The following TOPBP1 variants were observed in gnomAD, a reference collection of about 807,000 sequenced individuals.
The protein encoded by TOPBP1 is DNA topoisomerase 2-binding protein 1.
In TOPBP1, 28 loss-of-function variants were observed where a neutral mutation model predicts 167.7. The observed-to-expected ratio is 0.17, with a 90% CI of 0.12 to 0.23. TOPBP1 has a LOEUF of 0.23. TOPBP1 is among the 10% of genes least tolerant of loss of function. The pLI is 1.00. For synonymous variants in TOPBP1, 598 were observed against 611.4 expected (o/e 0.98, Z 0.32); for missense variants, 1,554 against 1,809.6 (o/e 0.86, Z 2.56).
chr3:133,640,918 G>C (rs1245613563), intron 12 of TOPBP1, among the ~76,000 whole-genome samples: 1 of 152,126 alleles, frequency 6.6e-6, no homozygotes, highest in Admixed American at 6.5e-5. Flanking sequence ...GAGAAATTAA[G>C]TGCCTCAAGA....
At chr3:133,650,286 A>C (rs184894150) in intron 8 of TOPBP1, among the ~76,000 whole-genome samples, 3 of 147,192 alleles carry the variant, frequency 2.0e-5, no homozygotes, top group Admixed American at 7.1e-5. Flanking sequence ...GCTTACTTGT[A>C]AATTTTAAAG....
intron 10 of TOPBP1, among the ~76,000 whole-genome samples, chr3:133,647,424 A>G (rs1936114894): frequency 6.6e-6 from 1 of 152,240 alleles, no homozygotes; most frequent in Non-Finnish European, 1.5e-5. Context: ...CTAGAGTCCT[A>G]GTAAGTACAA....
At chr3:133,634,115 A>C (rs1471141123) in intron 14 of TOPBP1, among the ~76,000 whole-genome samples, 1 of 152,268 alleles carries the variant, frequency 6.6e-6, no homozygotes, top group South Asian at 2.1e-4. Context: ...ATTTGAAAAG[A>C]ATCAAATTTT....
chr3:133,639,997 T>G lies in TOPBP1; in HGVS notation c.2195A>C (p.Asp732Ala). Residue 732 changes from aspartate (D) to alanine (A), a missense_variant, in exon 13 of 28, where the codon GAC (aspartate) becomes GCC (alanine). Asp to Ala is a moderately radical substitution (Grantham distance 126, BLOSUM62 -2). This residue lies in a region of TOPBP1 where 1,197 missense variants were observed against 1,351.5 expected (regional missense o/e 0.89). Coordinates refer to ENST00000260810, the MANE Select transcript of TOPBP1 (RefSeq NM_007027.4). ...ATTTTCAATCAGAAAATGGCTTTCG[T>G]CTGCTCTCTTTCCCGTTCTAGCAGT... Reference protein sequence around the residue: ...LETARTGKRADESHFLIENST... With the variant: ...LETARTGKRAAESHFLIENST... 1 of 1,613,888 alleles carries G rather than the reference T, an allele frequency of 6.2e-7. No homozygotes were observed. Among genetic ancestry groups the G allele is most frequent in the African/African-American group, 1.3e-5 (1 of 75,052 alleles).
chr3:133,631,858 G>T (rs1349850053), intron 14 of TOPBP1, among the ~76,000 whole-genome samples: 2 of 151,832 alleles, frequency 1.3e-5, no homozygotes, highest in Non-Finnish European at 2.9e-5. Flanking sequence ...GGCTGGTCTT[G>T]AACTCCTGAC....
chr3:133,612,072 A>G (rs1235535577), intron 24 of TOPBP1, among the ~76,000 whole-genome samples: 1 of 146,396 alleles, frequency 6.8e-6, no homozygotes, highest in Non-Finnish European at 1.5e-5. Context: ...ATAGGGTCTC[A>G]CTCTTGTGGC....
At position 133,643,391 on chromosome 3, in the gene TOPBP1, A is replaced by G; in HGVS notation, c.1849-19T>C. The stretch of plus-strand genomic sequence containing the variant: ...AAGTAACCTTTTAAAAACAAAAGAA[A>G]TAGTAAAGCCAACCTGAAATAAGCA... On this transcript the variant is annotated intron_variant, in intron 11 of 27. Coordinates refer to ENST00000260810, the MANE Select transcript of TOPBP1 (RefSeq NM_007027.4). 1 of 1,547,816 alleles carries G rather than the reference A, an allele frequency of 6.5e-7. No individual in the cohort carries two copies. Among genetic ancestry groups the G allele is most frequent in the Non-Finnish European group, 8.7e-7 (1 of 1,152,022 alleles).
rs901838254 is a variant in TOPBP1, at chr3:133,650,161, T to C, written c.1090-218A>G. Among the ~76,000 whole-genome samples, 5 of 152,190 alleles carry C rather than the reference T, an allele frequency of 3.3e-5. No homozygotes were observed. The South Asian group carries it at 1.0e-3, about 32-fold the overall frequency. On this transcript the variant is annotated intron_variant, in intron 8 of 27. Transcript: ENST00000260810. Reference sequence around the variant, plus strand: ...TCTCATACAGCATTATCTTTCACAGTAGATACTTGATAAGTATTTTGTGGC... The same window carrying C: ...TCTCATACAGCATTATCTTTCACAGCAGATACTTGATAAGTATTTTGTGGC...
At chr3:133,610,122 G>C (rs1206372761) in intron 25 of TOPBP1, among the ~76,000 whole-genome samples, 1 of 152,154 alleles carries the variant, frequency 6.6e-6, no homozygotes, top group African/African-American at 2.4e-5. Context: ...CCTCAGATAT[G>C]TGGTCTTCTG....
chr3:133,610,194 CTGTT>C (rs901373220), intron 25 of TOPBP1, among the ~76,000 whole-genome samples: 2 of 150,846 alleles, frequency 1.3e-5, no homozygotes, highest in Non-Finnish European at 3.0e-5. Context: ...TTGCAGCTCT[CTGTT>C]TGCTGTGGCT....
chr3:133,612,492 T>C lies in TOPBP1; in HGVS notation c.3932A>G (p.His1311Arg). ...DPTCTHIVVG[H>R]PLRNEKYLAS... ...TAAATACTTCTCGTTTCGAAGTGGA[T>C]GTCCCACAACAATGTGTGTACAGGT... The change falls in exon 24 of 28, where the codon CAT becomes CGT. Residue 1311 changes from histidine (H) to arginine (R), a missense_variant. This residue lies in a region of TOPBP1 where 351 missense variants were observed against 432.9 expected (regional missense o/e 0.81). Transcript: ENST00000260810. 6.2e-7 allele frequency: 1 copy of C among 1,614,002 alleles called. No homozygotes were observed. The highest frequency in any genetic ancestry group is 1.6e-4 in the Middle Eastern group (1 of 6,062).
chr3:133,617,801 G>A (rs1353663063), intron 21 of TOPBP1, among the ~76,000 whole-genome samples: 2 of 152,008 alleles, frequency 1.3e-5, no homozygotes, highest in South Asian at 2.1e-4. Context: ...AAAAAAAATA[G>A]GAGAATTCAG....
At position 133,642,634 on chromosome 3, in the gene TOPBP1, A is replaced by C. The variant is rs747040865; in HGVS notation, c.2021+566T>G. Reference sequence around the variant, plus strand: ...AAGTGGTGGTGTATTCTTTGTAAGAAGGCACATCATGTCTTGTCCCTTTAT... The same window carrying C: ...AAGTGGTGGTGTATTCTTTGTAAGACGGCACATCATGTCTTGTCCCTTTAT... On this transcript the variant is annotated intron_variant, in intron 12 of 27. Transcript: ENST00000260810. 5.3e-5 allele frequency among the ~76,000 whole-genome samples: 8 copies of C among 152,330 alleles called. No individual in the cohort carries two copies. The Middle Eastern group carries it at 0.014, about 259-fold the overall frequency.
intron 16 of TOPBP1, among the ~76,000 whole-genome samples, chr3:133,627,367 G>C (rs148496962): frequency 6.6e-6 from 1 of 152,042 alleles, no homozygotes; most frequent in East Asian, 1.9e-4. Context: ...CTATGAGAAT[G>C]AAACGAGATA....
At chr3:133,660,580 G>A (rs912395352) in intron 2 of TOPBP1, among the ~76,000 whole-genome samples, 4 of 152,180 alleles carry the variant, frequency 2.6e-5, no homozygotes, top group Non-Finnish European at 5.9e-5. Context: ...TCTGCATTTC[G>A]AAGAAACTTC....
rs190679376 is a variant in TOPBP1 at position 133,606,620 on chromosome 3, G to A, written c.4425+1915C>T. Among the ~76,000 whole-genome samples the A allele has an allele frequency of 6.6e-3, 988 of 150,080 alleles. 7 individuals carry two copies. Among genetic ancestry groups the A allele is most frequent in the Non-Finnish European group, 8.8e-3 (598 of 67,824 alleles). On this transcript the variant is annotated intron_variant, in intron 27 of 27. Transcript: ENST00000260810. Reference sequence around the variant, plus strand: ...AACTAAAATTGTAGTCTTAATACTAGCTTCAAAAGTTGCTGTACAGCTACA... The same window carrying A: ...AACTAAAATTGTAGTCTTAATACTAACTTCAAAAGTTGCTGTACAGCTACA...
chr3:133,609,579 T>G (rs1229758588), intron 25 of TOPBP1, among the ~76,000 whole-genome samples: 1 of 152,130 alleles, frequency 6.6e-6, no homozygotes, highest in Admixed American at 6.6e-5. Context: ...TGGGAGGTGA[T>G]CAGATGGTGG....
chr3:133,653,067 T>C (rs2107830004), intron 7 of TOPBP1, among the ~76,000 whole-genome samples: 1 of 152,322 alleles, frequency 6.6e-6, no homozygotes. Flanking sequence ...AGATTAATAC[T>C]TTTATCTTAA....
In TOPBP1 at chr3:133,643,342, C is replaced by G; in HGVS notation, c.1879G>C (p.Asp627His). The G allele has an allele frequency of 6.2e-7, 1 of 1,604,480 alleles. No homozygotes were observed. Among genetic ancestry groups the G allele is most frequent in the South Asian group, 1.1e-5 (1 of 89,338 alleles). The change falls in exon 12 of 28, where the codon GAT becomes CAT. Residue 627 changes from aspartate to histidine, a missense_variant. By Grantham distance (81) the Asp-to-His change is moderately conservative. Transcript: ENST00000260810. ...VTCIDYQTLF[D>H]PKSNPLFTPV... ...GTGAAGAGAGGATTCGACTTTGGAT[C>G]AAACAAAGTCTGATAGTCTATGCAA... is the stretch of plus-strand genomic sequence containing the variant.
Sources: allele counts gnomAD v4.1 joint callset (sites outside exome capture counted in the v4.1 genomes callset), GRCh38; gene constraint gnomAD v4.1.1; regional missense constraint gnomAD v4.1.1; transcripts MANE v1.5; gene names NCBI Gene and HGNC (gene_info 2026-07-23, HGNC 2026-07-21).